WDTC1: variants seen among roughly 807,000 people sequenced by gnomAD.
WDTC1 encodes the protein WD and tetratricopeptide repeats protein 1.
A neutral mutation model predicts 76.0 loss-of-function variants in WDTC1; 12 were observed. The observed-to-expected ratio is 0.16, with a 90% CI of 0.10 to 0.26. WDTC1 has a LOEUF of 0.26. Ranked by LOEUF, WDTC1 falls within the 10% of genes least tolerant of loss-of-function variation. The pLI, the probability that WDTC1 is intolerant of heterozygous loss-of-function variation, is 1.00. For synonymous variants in WDTC1, 326 were observed against 350.8 expected, an observed-to-expected ratio of 0.93 and a Z score of 0.79; for missense variants, 511 against 908.8, an observed-to-expected ratio of 0.56 and a Z score of 5.63.
rs750445804 is a variant in WDTC1 at position 27,306,328 on chromosome 1, G to C, written c.1979G>C (p.Gly660Ala). ...ACGGGCCTGAGCAGTGGGGGTGCCG[G>C]GGCCTCTGATGATGAGGACAGCTCT... Reference protein sequence around the residue: ...RITGLSSGGAGASDDEDSSEG... With the variant: ...RITGLSSGGAAASDDEDSSEG... The change falls in exon 16 of 16, where the codon GGG becomes GCG. Residue 660 changes from glycine to alanine, a missense_variant. Gly to Ala is a moderately conservative substitution (Grantham distance 60, BLOSUM62 0). Transcript: ENST00000319394. This position sits in a 1 kb window ranked among gnomAD's most constrained non-coding sequence, Gnocchi z 5.0. 2 of 1,613,930 alleles carry C rather than the reference G, an allele frequency of 1.2e-6. No homozygotes were observed. Among genetic ancestry groups the C allele is most frequent in the Admixed American group, 3.3e-5 (2 of 60,020 alleles).
intron 3 of WDTC1, among the ~76,000 whole-genome samples, chr1:27,273,795 GA>G (rs1557493347): frequency 1.3e-5 from 2 of 151,502 alleles, no homozygotes; most frequent in South Asian, 2.1e-4. Context: ...AAATGGTTCA[GA>G]AAAAAAGTAC....
chr1:27,261,131 C>G, intron 2 of WDTC1, 29 bp downstream of exon 2: 1 of 1,613,052 alleles, frequency 6.2e-7, no homozygotes, highest in Non-Finnish European at 8.5e-7. Flanking sequence ...TGCACCAGAT[C>G]ATGAGATCTT....
chr1:27,303,524 G>C lies in WDTC1; in HGVS notation c.1469-97G>C. 1 of 1,442,340 alleles carries C rather than the reference G, an allele frequency of 6.9e-7. No homozygotes were observed. The highest frequency in any genetic ancestry group is 9.2e-7 in the Non-Finnish European group (1 of 1,088,216). The allele number at this position is 1,442,340 out of a possible 1,614,324, so 89.3% of individuals were successfully genotyped here. A position where few individuals can be genotyped will look rare whatever the true frequency, so the allele number is the denominator to read the frequency against. On this transcript the variant is annotated intron_variant, in intron 13 of 15. Coordinates refer to ENST00000319394, the MANE Select transcript of WDTC1 (RefSeq NM_001276252.2). This position sits in a 1 kb window ranked among gnomAD's most constrained non-coding sequence, Gnocchi z 4.8. ...GGGTGGAGGCAGGTAGCTCTATGTT[G>C]TCAGACTTTGGACTGAAAACAGAGC...
chr1:27,296,369 T>G lies in WDTC1; in HGVS notation c.917T>G (p.Phe306Cys). 1 of 1,614,060 alleles carries G rather than the reference T, an allele frequency of 6.2e-7. No homozygotes were observed. The change falls in exon 10 of 16, where the codon TTC becomes TGC. Residue 306 changes from phenylalanine to cysteine, a missense_variant. Transcript: ENST00000319394. ...DLTYKQRPYT[F>C]LLPRKCHSSG... ...ACTTACAAGCAGCGGCCGTACACCTTCCTCTTGCCTAGAAAATGCCACTCC... is the reference window on the plus strand; with the variant it reads ...ACTTACAAGCAGCGGCCGTACACCTGCCTCTTGCCTAGAAAATGCCACTCC...
intron 1 of WDTC1, among the ~76,000 whole-genome samples, chr1:27,251,875 C>G (rs528430798): frequency 6.6e-6 from 1 of 152,052 alleles, no homozygotes; most frequent in Non-Finnish European, 1.5e-5. Flanking sequence ...ATGGTGAAAC[C>G]TCATCTCTAC....
intron 12 of WDTC1, among the ~76,000 whole-genome samples, chr1:27,298,551 G>T (rs1336471312): frequency 6.6e-6 from 1 of 152,182 alleles, no homozygotes. Flanking sequence ...CCCCTCTAAG[G>T]CTTGCTTTCT....
At chr1:27,251,487 A>G (rs1280182746) in intron 1 of WDTC1, among the ~76,000 whole-genome samples, 1 of 152,034 alleles carries the variant, frequency 6.6e-6, no homozygotes, top group Non-Finnish European at 1.5e-5. Context: ...TAATTCATTG[A>G]GTATCTACTA....
At chr1:27,240,673 A>G (rs1450048159) in intron 1 of WDTC1, among the ~76,000 whole-genome samples, 1 of 152,072 alleles carries the variant, frequency 6.6e-6, no homozygotes, top group East Asian at 1.9e-4. Context: ...GAAGACTAAT[A>G]CCTTAAAAAC....
At chr1:27,296,480 C>A in intron 10 of WDTC1, 79 bp downstream of exon 10, 1 of 1,473,442 alleles carries the variant, frequency 6.8e-7, no homozygotes, top group Non-Finnish European at 9.5e-7. Context: ...GAGAAGCCTG[C>A]CCTTTACTCT....
chr1:27,300,330 TG>T (rs1487577119), intron 12 of WDTC1, among the ~76,000 whole-genome samples: 1 of 150,628 alleles, frequency 6.6e-6, no homozygotes, highest in Admixed American at 6.6e-5. Flanking sequence ...CCAGCCCAGC[TG>T]AAAAAAAAAA....
intron 3 of WDTC1, among the ~76,000 whole-genome samples, chr1:27,266,215 C>T (rs1342434760): frequency 6.6e-6 from 1 of 152,102 alleles, no homozygotes; most frequent in African/African-American, 2.4e-5. Flanking sequence ...TTTTCCTCTT[C>T]CTCTACCCAC....
chr1:27,279,211 A>G (rs1244763343), intron 3 of WDTC1, among the ~76,000 whole-genome samples: 2 of 152,140 alleles, frequency 1.3e-5, no homozygotes, highest in African/African-American at 4.8e-5. Context: ...AATGCCTAGT[A>G]TATAATAGGT....
chr1:27,287,200 C>T (rs1372132309), intron 5 of WDTC1, among the ~76,000 whole-genome samples: 2 of 151,746 alleles, frequency 1.3e-5, no homozygotes, highest in Non-Finnish European at 1.5e-5. Context: ...CACACCCATT[C>T]CCTTAAACAC....
chr1:27,287,038 CTGTAAT>C (rs1316795748), intron 5 of WDTC1, among the ~76,000 whole-genome samples: 1 of 151,520 alleles, frequency 6.6e-6, no homozygotes, highest in Admixed American at 6.6e-5. Flanking sequence ...TGGTGCACAC[CTGTAAT>C]CCCAGCTACT....
chr1:27,264,848 G>T (rs573824507), intron 3 of WDTC1, among the ~76,000 whole-genome samples: 30 of 152,036 alleles, frequency 2.0e-4, no homozygotes, highest in African/African-American at 6.0e-4. Context: ...TGTTGCCCAG[G>T]CTGGAATGCA....
chr1:27,240,632 C>G (rs2011603252), intron 1 of WDTC1, among the ~76,000 whole-genome samples: 1 of 152,142 alleles, frequency 6.6e-6, no homozygotes, highest in African/African-American at 2.4e-5. Flanking sequence ...TAAGTAATAG[C>G]TGCTGACTCC....
At chr1:27,256,155 A>T (rs1177837460) in intron 1 of WDTC1, among the ~76,000 whole-genome samples, 2 of 152,198 alleles carry the variant, frequency 1.3e-5, no homozygotes, top group East Asian at 3.9e-4. Context: ...AGGACCCACG[A>T]CTAAAATCAT....
chr1:27,298,620 A>C (rs573935207), intron 12 of WDTC1, among the ~76,000 whole-genome samples: 4 of 152,294 alleles, frequency 2.6e-5, no homozygotes, highest in Non-Finnish European at 2.9e-5. Flanking sequence ...AAAGCTGGCT[A>C]TGGGTCACGC....
intron 3 of WDTC1, among the ~76,000 whole-genome samples, chr1:27,273,405 T>A (rs1221343032): frequency 1.3e-5 from 2 of 151,934 alleles, no homozygotes; most frequent in African/African-American, 4.8e-5. Flanking sequence ...AGACGAGGTT[T>A]CACCATGTTA....
Sources: gnomAD v4.1 joint callset for allele counts (sites outside exome capture counted in the v4.1 genomes callset) on GRCh38, gnomAD v4.1.1 for gene constraint, Gnocchi (gnomAD v3.1) non-coding constraint, MANE v1.5 for transcripts, NCBI Gene and HGNC (gene_info 2026-07-23, HGNC 2026-07-21) for gene names.